PCBP3: variants seen among roughly 807,000 people sequenced by gnomAD.
PCBP3 encodes poly(rC)-binding protein 3.
PCBP3 carries 25 observed loss-of-function variants against 52.7 expected under a neutral mutation model. That is an observed-to-expected ratio of 0.47 (90% CI 0.35 to 0.66). PCBP3 has a LOEUF of 0.66. PCBP3 is among the 30% of genes least tolerant of loss of function. The pLI, the probability that PCBP3 is intolerant of heterozygous loss-of-function variation, is 0.01. For synonymous variants in PCBP3, 162 were observed against 183.0 expected, an observed-to-expected ratio of 0.89 and a Z score of 0.93; for missense variants, 391 against 490.3, an observed-to-expected ratio of 0.80 and a Z score of 1.91.
Position 45,910,984 on chromosome 21 carries a change from A to G in PCBP3, c.554A>G (p.Asp185Gly). The G allele has an allele frequency of 6.2e-7, 1 of 1,612,150 alleles. No homozygotes were observed. The highest frequency in any genetic ancestry group is 8.5e-7 in the Non-Finnish European group (1 of 1,179,948). Residue 185 changes from aspartate to glycine, a missense_variant, in exon 11 of 18, where the codon GAT becomes GGT. By Grantham distance (94) the Asp-to-Gly change is moderately conservative (BLOSUM62 -1). Coordinates refer to ENST00000681687, the MANE Select transcript of PCBP3 (RefSeq NM_001384156.1). ...GCGGTGACCATCTCGGGGACCCCAGATGCCATCATCCAGTGCGTCAAGCAG... is the reference window on the plus strand; with the variant it reads ...GCGGTGACCATCTCGGGGACCCCAGGTGCCATCATCCAGTGCGTCAAGCAG... ...ERAVTISGTP[D>G]AIIQCVKQIC...
chr21:45,865,248 C>T (rs2094669147), intron 5 of PCBP3, among the ~76,000 whole-genome samples: 1 of 152,278 alleles, frequency 6.6e-6, no homozygotes, highest in Non-Finnish European at 1.5e-5. Flanking sequence ...AATTAGTCAT[C>T]GTATGTGGTC....
intron 2 of PCBP3, among the ~76,000 whole-genome samples, chr21:45,693,874 G>T (rs2082623572): frequency 6.6e-6 from 1 of 152,040 alleles, no homozygotes; most frequent in South Asian, 2.1e-4. Flanking sequence ...GTAAATATAT[G>T]AACAAATATT....
chr21:45,687,043 A>G lies in PCBP3; in HGVS notation c.-200+18091A>G, dbSNP rs1405113621. 3.3e-5 allele frequency among the ~76,000 whole-genome samples: 5 copies of G among 152,314 alleles called. No individual in the cohort carries two copies. The South Asian group carries it at 1.0e-3, about 32-fold the overall frequency. On this transcript the variant is annotated intron_variant, in intron 2 of 17. Transcript: ENST00000681687. Reference sequence around the variant, plus strand: ...ACCCACAATTTGAAGATGCTTAATAAAACTCAAGAAAGATAAAGAAAACCA... The same window carrying G: ...ACCCACAATTTGAAGATGCTTAATAGAACTCAAGAAAGATAAAGAAAACCA...
intron 5 of PCBP3, among the ~76,000 whole-genome samples, chr21:45,876,203 G>A (rs934933692): frequency 1.3e-5 from 2 of 152,234 alleles, no homozygotes; most frequent in Admixed American, 1.3e-4. Flanking sequence ...CCAGGACAGT[G>A]TCAGAGCCCA....
Position 45,917,554 on chromosome 21 carries a change from G to T in PCBP3, c.676-34G>T. 1 of 1,597,542 alleles carries T rather than the reference G, an allele frequency of 6.3e-7. No individual in the cohort carries two copies. The highest frequency in any genetic ancestry group is 8.6e-7 in the Non-Finnish European group (1 of 1,166,384). ...GGGTGCTGAGCCGTGGTGCAGCCAGGTTGCAGTCTGACGGGGTCTCTCTCT... is the reference window on the plus strand; with the variant it reads ...GGGTGCTGAGCCGTGGTGCAGCCAGTTTGCAGTCTGACGGGGTCTCTCTCT... On this transcript the variant is annotated intron_variant, in intron 12 of 17. Coordinates refer to ENST00000681687, the MANE Select transcript of PCBP3 (RefSeq NM_001384156.1). This position sits in a 1 kb window ranked among gnomAD's most constrained non-coding sequence, Gnocchi z 5.3.
chr21:45,842,709 G>T (rs1320937545), intron 4 of PCBP3, among the ~76,000 whole-genome samples: 1 of 152,234 alleles, frequency 6.6e-6, no homozygotes, highest in African/African-American at 2.4e-5. Context: ...GGGAAGGGAT[G>T]TCTTGTTACC....
chr21:45,847,479 T>C (rs1027089189), intron 4 of PCBP3, among the ~76,000 whole-genome samples: 3 of 152,230 alleles, frequency 2.0e-5, no homozygotes, highest in African/African-American at 2.4e-5. Context: ...GTCTCTTGGC[T>C]TGAGGAAGAT....
intron 15 of PCBP3, among the ~76,000 whole-genome samples, chr21:45,934,044 G>A (rs1420116279): frequency 2.0e-5 from 3 of 152,148 alleles, no homozygotes; most frequent in Non-Finnish European, 2.9e-5. Context: ...GGACCCCTCT[G>A]GTCTGTCTGG....
At chr21:45,815,006 GGTGAGTGATGAGTGAGTGGTGA>G (rs1569259855) in intron 4 of PCBP3, among the ~76,000 whole-genome samples, 1 of 106,316 alleles carries the variant, frequency 9.4e-6, no homozygotes. Context: ...GTGAGTGAGT[GGTGAGTGATGAGTGAGTGGTGA>G]GTGAGTGATG....
chr21:45,910,049 C>G (rs1301166385), intron 10 of PCBP3, among the ~76,000 whole-genome samples: 1 of 22,590 alleles, frequency 4.4e-5, no homozygotes, highest in African/African-American at 2.4e-4. Flanking sequence ...ATGGACCCCC[C>G]CCACCACTGC....
chr21:45,727,664 T>C (rs2085151888), intron 2 of PCBP3, among the ~76,000 whole-genome samples: 1 of 152,146 alleles, frequency 6.6e-6, no homozygotes, highest in Non-Finnish European at 1.5e-5. Flanking sequence ...GTCTGGTGCC[T>C]GGCCTTGGGT....
At chr21:45,774,241 A>T (rs2090086152) in intron 4 of PCBP3, among the ~76,000 whole-genome samples, 1 of 150,554 alleles carries the variant, frequency 6.6e-6, no homozygotes, top group South Asian at 2.1e-4. Context: ...CATATCTACT[A>T]AAAAAAAATG....
chr21:45,781,883 C>A (rs989854000), intron 4 of PCBP3, among the ~76,000 whole-genome samples: 1 of 152,160 alleles, frequency 6.6e-6, no homozygotes, highest in African/African-American at 2.4e-5. Context: ...TGCCTTCTGA[C>A]GCTACAGAAT....
At chr21:45,664,971 A>C (rs1569092236) in intron 1 of PCBP3, among the ~76,000 whole-genome samples, 1 of 151,868 alleles carries the variant, frequency 6.6e-6, no homozygotes, top group African/African-American at 2.4e-5. Flanking sequence ...TTTCATCAGC[A>C]TTTTGCAGTT....
chr21:45,816,301 C>T (rs2092951987), intron 4 of PCBP3, among the ~76,000 whole-genome samples: 1 of 152,006 alleles, frequency 6.6e-6, no homozygotes, highest in African/African-American at 2.4e-5. Flanking sequence ...GCTTTATAAA[C>T]CTTTAGATTT....
At chr21:45,812,148 G>A (rs9306143) in intron 4 of PCBP3, among the ~76,000 whole-genome samples, 3,841 of 152,204 alleles carry the variant, frequency 0.025, 171 homozygotes, top group African/African-American at 0.088. Flanking sequence ...TGGGGAGGTC[G>A]TGTTGCCATA....
intron 2 of PCBP3, among the ~76,000 whole-genome samples, chr21:45,679,053 A>G (rs1299865122): frequency 6.7e-6 from 1 of 148,952 alleles, no homozygotes; most frequent in African/African-American, 2.5e-5. Flanking sequence ...ATGATGACTC[A>G]CTGAAGGCTC....
At position 45,917,485 on chromosome 21, in the gene PCBP3, G is replaced by A; in HGVS notation, c.676-103G>A. ...GACAGGTGGAGAGGCACACGAGGGGGAAGCTTCTACCGGAGGGTCCTTGTC... is the reference window on the plus strand; with the variant it reads ...GACAGGTGGAGAGGCACACGAGGGGAAAGCTTCTACCGGAGGGTCCTTGTC... On this transcript the variant is annotated intron_variant, in intron 12 of 17. Coordinates refer to ENST00000681687, the MANE Select transcript of PCBP3 (RefSeq NM_001384156.1). This position sits in a 1 kb window ranked among gnomAD's most constrained non-coding sequence, Gnocchi z 5.3. The A allele has an allele frequency of 2.3e-6, 2 of 865,490 alleles. No homozygotes were observed. The highest frequency in any genetic ancestry group is 3.8e-6 in the Non-Finnish European group (2 of 520,724). 53.6% of individuals were successfully genotyped at this position (865,490 alleles called of 1,614,324 possible). A position where few individuals can be genotyped will look rare whatever the true frequency, so the allele number is the denominator to read the frequency against.
In PCBP3 at chr21:45,924,339, G is replaced by A. The variant is rs868626112; in HGVS notation, c.718-5578G>A. Among the ~76,000 whole-genome samples, 539 of 124,136 alleles carry A rather than the reference G, an allele frequency of 4.3e-3. 2 individuals are homozygous for A. The highest frequency in any genetic ancestry group is 0.016 in the African/African-American group (489 of 30,416). 81.4% of individuals were successfully genotyped at this position (124,136 alleles called of 152,430 possible). Reference sequence around the variant, plus strand: ...GGGTAGAAACAGCACACGTAAGATCGGGTGTGCGTGAGGAGATGCGAACAC... The same window carrying A: ...GGGTAGAAACAGCACACGTAAGATCAGGTGTGCGTGAGGAGATGCGAACAC... On this transcript the variant is annotated intron_variant, in intron 13 of 17. Transcript: ENST00000681687.
Sources: gnomAD v4.1 joint callset for allele counts (sites outside exome capture counted in the v4.1 genomes callset) on GRCh38, gnomAD v4.1.1 for gene constraint, Gnocchi (gnomAD v3.1) non-coding constraint, MANE v1.5 for transcripts, NCBI Gene and HGNC (gene_info 2026-07-23, HGNC 2026-07-21) for gene names.